Variants in KDSR observed in about 807,000 individuals in gnomAD.
The protein encoded by KDSR is 3-ketodihydrosphingosine reductase, also known as 3-dehydrosphinganine reductase.
A neutral mutation model predicts 41.3 loss-of-function variants in KDSR; 23 were observed. That is an observed-to-expected ratio of 0.56 (90% CI 0.40 to 0.79). KDSR has a LOEUF of 0.79. Among genes scored for constraint, KDSR ranks in the 30% least tolerant of loss-of-function variants. The pLI, the probability that KDSR is intolerant of heterozygous loss-of-function variation, is 0.00. For missense variants in KDSR, 351 were observed against 416.8 expected, an observed-to-expected ratio of 0.84 and a Z score of 1.37; for synonymous variants, 138 against 151.7, an observed-to-expected ratio of 0.91 and a Z score of 0.66.
In KDSR at chr18:63,329,829, A is replaced by T. The variant is rs1913922824; in HGVS notation, c.*1953T>A. 5.1e-6 allele frequency: 1 copy of T among 194,960 alleles called. No homozygotes were observed. Among genetic ancestry groups the T allele is most frequent in the African/African-American group, 2.3e-5 (1 of 43,184 alleles). 12.1% of individuals were successfully genotyped at this position (194,960 alleles called of 1,614,324 possible). On this transcript the variant is annotated 3_prime_UTR_variant, in exon 10 of 10. Transcript: ENST00000645214. ...GAGGAACATTTATGAGAAAAGAATA[A>T]AACTGAGAAACATCCAGACATTAAT...
chr18:63,355,570 A>G lies in KDSR; in HGVS notation c.256-7T>C. The G allele has an allele frequency of 6.4e-7, 1 of 1,561,746 alleles. No homozygotes were observed. The highest frequency in any genetic ancestry group is 2.2e-5 in the Admixed American group (1 of 44,874). Reference sequence around the variant, plus strand: ...CTGATATGCAAAGCACCACCTGTTAAAAAAGAAAAAAAGTGATCAAAGTTT... The same window carrying G: ...CTGATATGCAAAGCACCACCTGTTAGAAAAGAAAAAAAGTGATCAAAGTTT... On this transcript the variant is annotated splice_polypyrimidine_tract_variant and splice_region_variant and intron_variant, in intron 3 of 9. Coordinates refer to ENST00000645214, the MANE Select transcript of KDSR (RefSeq NM_002035.4).
At chr18:63,364,298 C>A (rs1915073899) in intron 1 of KDSR, among the ~76,000 whole-genome samples, 1 of 152,124 alleles carries the variant, frequency 6.6e-6, no homozygotes, top group Non-Finnish European at 1.5e-5. Context: ...TTATCTGATT[C>A]ACAACCACCT....
chr18:63,359,841 T>G (rs1230414194), intron 2 of KDSR, 49 bp from the exon 3 acceptor site: 1 of 1,248,600 alleles, frequency 8.0e-7, no homozygotes, highest in Middle Eastern at 2.1e-4. Flanking sequence ...TATATGCATG[T>G]CCGTTTATTG....
At chr18:63,350,234 G>A (rs1914626363) in intron 6 of KDSR, among the ~76,000 whole-genome samples, 1 of 152,176 alleles carries the variant, frequency 6.6e-6, no homozygotes, top group South Asian at 2.1e-4. Flanking sequence ...AAGCAGCTGA[G>A]GTGTAAAGTT....
chr18:63,337,137 T>TATAG (rs61483229), intron 8 of KDSR, among the ~76,000 whole-genome samples: 1 of 145,722 alleles, frequency 6.9e-6, no homozygotes, highest in African/African-American at 2.5e-5. Flanking sequence ...TATATATATA[T>TATAG]GGAGTTTTGC....
Position 63,331,483 on chromosome 18 carries a change from C to A in KDSR, c.*299G>T, listed in dbSNP as rs1913999503. The A allele has an allele frequency of 3.9e-6, 1 of 259,494 alleles. No homozygotes were observed. Among genetic ancestry groups the A allele is most frequent in the Non-Finnish European group, 7.3e-6 (1 of 136,284 alleles). The allele number at this position is 259,494 out of a possible 1,614,324, so 16.1% of individuals were successfully genotyped here. On this transcript the variant is annotated 3_prime_UTR_variant, in exon 10 of 10. Transcript: ENST00000645214. ...AATAAATAGAAACAAATTTAATGATCATTCTGGAATCCTGTTCTTTACTTT... is the reference window on the plus strand; with the variant it reads ...AATAAATAGAAACAAATTTAATGATAATTCTGGAATCCTGTTCTTTACTTT...
chr18:63,351,043 G>C lies in KDSR; in HGVS notation c.454C>G (p.Pro152Ala), dbSNP rs1455814081. 1.2e-6 allele frequency: 2 copies of C among 1,613,988 alleles called. No homozygotes were observed. The highest frequency in any genetic ancestry group is 2.2e-5 in the South Asian group (2 of 91,038). ...ATGGTGGTGATCACGGCCCGGCTGG[G>C]GTACACGCTGCCCAGGTAATTGATG... ...MSINYLGSVY[P>A]SRAVITTMKE... Residue 152 changes from proline to alanine, a missense_variant, in exon 6 of 10, where the codon CCC (proline) becomes GCC (alanine). Transcript: ENST00000645214.
chr18:63,343,713 C>T (rs544818899), intron 7 of KDSR, among the ~76,000 whole-genome samples: 4 of 148,518 alleles, frequency 2.7e-5, no homozygotes, highest in Admixed American at 1.3e-4. Flanking sequence ...TTATCTTCCA[C>T]GGTAGAAAGT....
chr18:63,364,498 C>G (rs1176192809), intron 1 of KDSR, among the ~76,000 whole-genome samples: 1 of 151,520 alleles, frequency 6.6e-6, no homozygotes, highest in Non-Finnish European at 1.5e-5. Flanking sequence ...GGCTGGAGTG[C>G]AGTGGCACGA....
rs530983440 is a variant in KDSR, at chr18:63,328,629, G to A, written c.*3153C>T. ...CCTGTCTCAGCCTCCCAAAGTGCTG[G>A]GATTACTGGCGTGAGCCACCACGCC... On this transcript the variant is annotated 3_prime_UTR_variant, in exon 10 of 10. Transcript: ENST00000645214. 1.8e-3 allele frequency: 290 copies of A among 162,862 alleles called. No individual in the cohort carries two copies. The highest frequency in any genetic ancestry group is 8.2e-3 in the Middle Eastern group (3 of 368). The allele number at this position is 162,862 out of a possible 1,614,324, so 10.1% of individuals were successfully genotyped here. A position where few individuals can be genotyped will look rare whatever the true frequency, so the allele number is the denominator to read the frequency against.
intron 7 of KDSR, among the ~76,000 whole-genome samples, chr18:63,342,711 G>C (rs1250507099): frequency 1.1e-5 from 1 of 89,060 alleles, no homozygotes; most frequent in Non-Finnish European, 3.0e-5. Context: ...TAATGTTTTT[G>C]TTTTGAAACA....
At chr18:63,335,574 A>C (rs1350704523) in intron 8 of KDSR, 1 of 507,052 alleles carries the variant, frequency 2.0e-6, no homozygotes, top group Non-Finnish European at 3.6e-6. Flanking sequence ...CCAAGGACAA[A>C]TGATTGTCCT....
intron 6 of KDSR, among the ~76,000 whole-genome samples, chr18:63,350,129 T>C (rs938540942): frequency 6.6e-6 from 1 of 152,218 alleles, no homozygotes; most frequent in African/African-American, 2.4e-5. Context: ...TAGAAAGAAC[T>C]TTCCCTTGCC....
intron 7 of KDSR, among the ~76,000 whole-genome samples, chr18:63,340,947 CAGA>C (rs1033826436): frequency 1.3e-5 from 2 of 152,332 alleles, no homozygotes; most frequent in African/African-American, 4.8e-5. Context: ...CTCCCAAAGG[CAGA>C]AGAAGACATG....
At position 63,329,497 on chromosome 18, in the gene KDSR, A is replaced by G. The variant is rs1185125025; in HGVS notation, c.*2285T>C. Reference sequence around the variant, plus strand: ...ACTTAGATTTCGAAGTTTCTTTGCTAAGGGACTGTAGCCCTTTAACATCTC... The same window carrying G: ...ACTTAGATTTCGAAGTTTCTTTGCTGAGGGACTGTAGCCCTTTAACATCTC... On this transcript the variant is annotated 3_prime_UTR_variant, in exon 10 of 10. Transcript: ENST00000645214. 9 of 204,780 alleles carry G rather than the reference A, an allele frequency of 4.4e-5. No homozygotes were observed. Among genetic ancestry groups the G allele is most frequent in the Non-Finnish European group, 9.0e-5 (9 of 99,992 alleles). The allele number at this position is 204,780 out of a possible 1,614,324, so 12.7% of individuals were successfully genotyped here.
At chr18:63,338,247 G>T (rs146680419) in intron 8 of KDSR, among the ~76,000 whole-genome samples, 171 of 152,320 alleles carry the variant, frequency 1.1e-3, no homozygotes, top group Non-Finnish European at 1.2e-3. Flanking sequence ...CCTCATAAAT[G>T]TGCATTTTTC....
rs569012650 is a variant in KDSR, at chr18:63,361,764, G to A, written c.198+1015C>T. On this transcript the variant is annotated intron_variant, in intron 2 of 9. Transcript: ENST00000645214. ...CAGGAGGCAGAGGTTGCAGTGAGCC[G>A]AGATCATGCCACTGCACTCCAGCCT... 6.6e-5 allele frequency among the ~76,000 whole-genome samples: 10 copies of A among 152,150 alleles called. No individual in the cohort carries two copies. In the East Asian group the frequency reaches 1.7e-3, roughly 27 times the overall value.
chr18:63,329,463 C>G lies in KDSR; in HGVS notation c.*2319G>C, dbSNP rs368666331. On this transcript the variant is annotated 3_prime_UTR_variant, in exon 10 of 10. Transcript: ENST00000645214. Reference sequence around the variant, plus strand: ...AATTACGGTATCAAATTTAGAAAAACACAAACCAACTTAGATTTCGAAGTT... The same window carrying G: ...AATTACGGTATCAAATTTAGAAAAAGACAAACCAACTTAGATTTCGAAGTT... The G allele has an allele frequency of 8.2e-5, 17 of 206,302 alleles. No individual in the cohort carries two copies. In the East Asian group the frequency reaches 8.9e-4, roughly 11 times the overall value. The allele number at this position is 206,302 out of a possible 1,614,324, so 12.8% of individuals were successfully genotyped here.
At chr18:63,362,560 A>G (rs2144381970) in intron 2 of KDSR, among the ~76,000 whole-genome samples, 1 of 152,300 alleles carries the variant, frequency 6.6e-6, no homozygotes, top group Non-Finnish European at 1.5e-5. Context: ...ATGTTGCCTA[A>G]TATGCCAATG....
Sources: allele counts gnomAD v4.1 joint callset (sites outside exome capture counted in the v4.1 genomes callset), GRCh38; gene constraint gnomAD v4.1.1; transcripts MANE v1.5; gene names NCBI Gene and HGNC (gene_info 2026-07-23, HGNC 2026-07-21).